Variants in CDH13 observed in about 807,000 individuals in gnomAD.
CDH13 encodes cadherin 13.
CDH13 carries 24 observed loss-of-function variants against 63.8 expected under a neutral mutation model. That is an observed-to-expected ratio of 0.38 (90% CI 0.27 to 0.53). The LOEUF is 0.53. CDH13 is among the 20% of genes least tolerant of loss of function. CDH13 has a pLI of 0.85. For synonymous variants in CDH13, 503 were observed against 355.3 expected, an observed-to-expected ratio of 1.42 and a Z score of -4.67; for missense variants, 1,049 against 903.1, an observed-to-expected ratio of 1.16 and a Z score of -2.07.
At chr16:83,187,162 G>A (rs1295072312) in intron 4 of CDH13, among the ~76,000 whole-genome samples, 1 of 152,044 alleles carries the variant, frequency 6.6e-6, no homozygotes, top group African/African-American at 2.4e-5. Context: ...GTAGAAATGG[G>A]GTTTCACCAT....
chr16:82,740,910 G>C (rs1166606932), intron 1 of CDH13, among the ~76,000 whole-genome samples: 1 of 152,086 alleles, frequency 6.6e-6, no homozygotes, highest in African/African-American at 2.4e-5. Flanking sequence ...CAGCTGCTTT[G>C]TTTTAGGGTT....
At chr16:83,431,305 G>A (rs1198271833) in intron 6 of CDH13, among the ~76,000 whole-genome samples, 1 of 151,838 alleles carries the variant, frequency 6.6e-6, no homozygotes, top group Admixed American at 6.6e-5. Flanking sequence ...TATAATTGTT[G>A]CATAGTTGGC....
intron 10 of CDH13, among the ~76,000 whole-genome samples, chr16:83,694,224 G>C (rs1271714624): frequency 1.3e-5 from 2 of 152,214 alleles, no homozygotes; most frequent in Non-Finnish European, 2.9e-5. Context: ...GAGTTCTCAT[G>C]TTAGGCTTCC....
intron 9 of CDH13, among the ~76,000 whole-genome samples, chr16:83,673,722 A>C (rs1357842908): frequency 2.6e-5 from 4 of 152,206 alleles, no homozygotes; most frequent in Non-Finnish European, 5.9e-5. Context: ...GTTAAAATGC[A>C]GATTTCTGGG....
chr16:83,794,544 C>A (rs1052667696), intron 13 of CDH13, among the ~76,000 whole-genome samples: 5 of 152,128 alleles, frequency 3.3e-5, no homozygotes, highest in African/African-American at 9.7e-5. Context: ...CAGAATGAGA[C>A]CCTGTCTCAA....
At chr16:82,884,444 A>C (rs1270397871) in intron 2 of CDH13, 1 of 306,936 alleles carries the variant, frequency 3.3e-6, no homozygotes, top group African/African-American at 2.2e-5. Context: ...CTTAGTTAAC[A>C]GCAGCAACCC....
intron 2 of CDH13, among the ~76,000 whole-genome samples, chr16:82,971,834 G>C (rs1339701405): frequency 3.9e-5 from 6 of 152,266 alleles, no homozygotes; most frequent in East Asian, 1.9e-4. Flanking sequence ...CCTATTTGAG[G>C]GGGGAAGTAT....
intron 2 of CDH13, among the ~76,000 whole-genome samples, chr16:82,897,472 C>G (rs1017047743): frequency 5.3e-5 from 8 of 152,246 alleles, no homozygotes; most frequent in Non-Finnish European, 7.3e-5. Context: ...TTTTGGCTCT[C>G]TCAGCTACTT....
chr16:83,071,910 A>G (rs2032467718), intron 3 of CDH13, among the ~76,000 whole-genome samples: 3 of 152,188 alleles, frequency 2.0e-5, no homozygotes, highest in South Asian at 2.1e-4. Context: ...TCTATGCTCC[A>G]TCATCTATGT....
chr16:83,428,677 G>C (rs78683911), intron 6 of CDH13, among the ~76,000 whole-genome samples: 1 of 152,186 alleles, frequency 6.6e-6, no homozygotes, highest in East Asian at 1.9e-4. Context: ...AAATTAGTCC[G>C]TAAGACAAGG....
At chr16:83,227,657 A>C (rs2039881158) in intron 5 of CDH13, among the ~76,000 whole-genome samples, 1 of 152,154 alleles carries the variant, frequency 6.6e-6, no homozygotes, top group Admixed American at 6.5e-5. Context: ...CAAAACCCCC[A>C]GGTAAAAAGC....
intron 11 of CDH13, among the ~76,000 whole-genome samples, chr16:83,754,045 G>A (rs1335984837): frequency 2.6e-5 from 4 of 151,942 alleles, no homozygotes; most frequent in African/African-American, 9.7e-5. Flanking sequence ...AATTAGAAAC[G>A]AGTGTCAGAA....
intron 2 of CDH13, among the ~76,000 whole-genome samples, chr16:82,881,090 G>T (rs1597886801): frequency 6.6e-6 from 1 of 152,250 alleles, no homozygotes; most frequent in East Asian, 1.9e-4. Context: ...CAGTGCTTTA[G>T]TATTGTTTTT....
At chr16:83,485,462 G>A (rs2073864625) in intron 6 of CDH13, among the ~76,000 whole-genome samples, 1 of 152,170 alleles carries the variant, frequency 6.6e-6, no homozygotes, top group Non-Finnish European at 1.5e-5. Context: ...TTGCTTGTTT[G>A]TGAGTGAACC....
chr16:82,712,162 C>T (rs890978521), intron 1 of CDH13, among the ~76,000 whole-genome samples: 2 of 152,194 alleles, frequency 1.3e-5, no homozygotes, highest in Admixed American at 6.5e-5. Flanking sequence ...GAATGTTCTA[C>T]AGACTTAACG....
At chr16:83,396,017 C>T (rs1597918777) in intron 6 of CDH13, among the ~76,000 whole-genome samples, 1 of 152,162 alleles carries the variant, frequency 6.6e-6, no homozygotes, top group East Asian at 1.9e-4. Flanking sequence ...CATCATTTAG[C>T]TCCCACTATG....
intron 2 of CDH13, among the ~76,000 whole-genome samples, chr16:82,925,277 G>A (rs1283659844): frequency 1.3e-5 from 2 of 152,180 alleles, no homozygotes; most frequent in Non-Finnish European, 2.9e-5. Context: ...GCCCCTCAGA[G>A]CACCCCTAGC....
At chr16:83,085,359 G>T (rs2033522450) in intron 3 of CDH13, among the ~76,000 whole-genome samples, 1 of 152,098 alleles carries the variant, frequency 6.6e-6, no homozygotes, top group South Asian at 2.1e-4. Flanking sequence ...CAACACGTGG[G>T]AATTCTGGGA....
At chr16:83,310,410 G>T (rs762972000) in intron 5 of CDH13, among the ~76,000 whole-genome samples, 4 of 152,182 alleles carry the variant, frequency 2.6e-5, no homozygotes, top group Non-Finnish European at 4.4e-5. Flanking sequence ...GTACATGTGT[G>T]CACATACATA....
Sources: allele counts gnomAD v4.1 joint callset (sites outside exome capture counted in the v4.1 genomes callset), GRCh38; gene constraint gnomAD v4.1.1; transcripts MANE v1.5; gene names NCBI Gene and HGNC (gene_info 2026-07-23, HGNC 2026-07-21).